Variants in SPIC observed in about 807,000 individuals in gnomAD.
The protein encoded by SPIC is Spi-C transcription factor.
In SPIC, 9 loss-of-function variants were observed where a neutral mutation model predicts 16.7. The observed-to-expected ratio is 0.54, with a 90% CI of 0.33 to 0.94. The LOEUF (loss-of-function observed/expected upper bound fraction) is 0.94. Ranked by LOEUF, SPIC falls within the 40% of genes least tolerant of loss-of-function variation. The pLI is 0.03. For synonymous variants in SPIC, 97 were observed against 102.9 expected (o/e 0.94, Z 0.35); for missense variants, 241 against 285.8 (o/e 0.84, Z 1.13).
intron 5 of SPIC, among the ~76,000 whole-genome samples, chr12:101,483,351 C>T (rs1873268275): frequency 6.6e-6 from 1 of 152,166 alleles, no homozygotes; most frequent in Admixed American, 6.5e-5. Context: ...TCTTGTCCCA[C>T]TGGAAGGTCT....
chr12:101,482,825 A>G lies in SPIC; in HGVS notation c.244A>G (p.Ile82Val). The G allele has an allele frequency of 6.2e-7, 1 of 1,614,046 alleles. No individual in the cohort carries two copies. The highest frequency in any genetic ancestry group is 1.6e-4 in the Middle Eastern group (1 of 6,062). The change falls in exon 5 of 6, where the codon ATT becomes GTT. Residue 82 changes from isoleucine to valine, a missense_variant. By Grantham distance (29) the Ile-to-Val change is conservative. Transcript: ENST00000551346. ...TGCGGACTTCTATTTTGAAGGAAAT[A>G]TTCATCAATCTCTGCAGAACATAAC... The part of the protein sequence containing the change: ...SAADFYFEGN[I>V]HQSLQNITEN...
chr12:101,484,674 TA>T lies in SPIC; in HGVS notation c.320-1661del, dbSNP rs1316251683. ...AAAATAATTATAGGCCAGGCATGGT[TA>T]AAAAAAAATTATAGGCCAGGCATGG... On this transcript the variant is annotated intron_variant, in intron 5 of 5. Transcript: ENST00000551346. Among the ~76,000 whole-genome samples, 60 of 150,276 alleles carry T rather than the reference TA, an allele frequency of 4.0e-4. 1 individual carries two copies. In the East Asian group the frequency reaches 0.011, roughly 26 times the overall value.
In SPIC at chr12:101,483,959, A is replaced by C. The variant is rs139984137; in HGVS notation, c.319+1059A>C. 3.3e-5 allele frequency among the ~76,000 whole-genome samples: 5 copies of C among 152,046 alleles called. No individual in the cohort carries two copies. In the East Asian group the frequency reaches 9.6e-4, roughly 29 times the overall value. On this transcript the variant is annotated intron_variant, in intron 5 of 5. Transcript: ENST00000551346. ...ATAGGTTCAGAGAGACTCCCTCACCAATACATTTTATTTATTTATTTTTAT... is the reference window on the plus strand; with the variant it reads ...ATAGGTTCAGAGAGACTCCCTCACCCATACATTTTATTTATTTATTTTTAT...
chr12:101,486,505 A>G lies in SPIC; in HGVS notation c.481A>G (p.Arg161Gly), dbSNP rs1254756163. Residue 161 changes from arginine to glycine, a missense_variant, in exon 6 of 6, where the codon AGG becomes GGG. Coordinates refer to ENST00000551346, the MANE Select transcript of SPIC (RefSeq NM_152323.3). Reference sequence around the variant, plus strand: ...GCTTTGGGGGAAAAGAAAAGGCAACAGGAAGACCATGACTTACCAGAAAAT... The same window carrying G: ...GCTTTGGGGGAAAAGAAAAGGCAACGGGAAGACCATGACTTACCAGAAAAT... ...AELWGKRKGN[R>G]KTMTYQKMAR... is the part of the protein sequence containing the mutation. The G allele has an allele frequency of 1.2e-6, 2 of 1,614,212 alleles. No homozygotes were observed. The highest frequency in any genetic ancestry group is 1.7e-6 in the Non-Finnish European group (2 of 1,180,010).
chr12:101,478,685 T>C (rs186232707), intron 3 of SPIC, among the ~76,000 whole-genome samples: 1 of 152,358 alleles, frequency 6.6e-6, no homozygotes, highest in Admixed American at 6.5e-5. Context: ...ATGAATCTTA[T>C]AGACCTTCCA....
chr12:101,479,741 G>T, intron 4 of SPIC, 47 bp downstream of exon 4: 1 of 1,417,202 alleles, frequency 7.1e-7, no homozygotes. Flanking sequence ...TCCTATTCTT[G>T]CCAGCCTTCC....
intron 3 of SPIC, among the ~76,000 whole-genome samples, chr12:101,477,952 T>C (rs1421664482): frequency 6.6e-6 from 1 of 152,152 alleles, no homozygotes; most frequent in Non-Finnish European, 1.5e-5. Context: ...AGGCAGAAGC[T>C]TTAGTAAGCC....
intron 5 of SPIC, 59 bp from the exon 6 acceptor site, chr12:101,486,285 T>C (rs1873362397): frequency 6.6e-7 from 1 of 1,516,766 alleles, no homozygotes; most frequent in Non-Finnish European, 8.9e-7. Flanking sequence ...AAACCCTTTC[T>C]GAGGATGTTC....
intron 1 of SPIC, among the ~76,000 whole-genome samples, chr12:101,475,912 T>C (rs1872944563): frequency 6.6e-6 from 1 of 151,180 alleles, no homozygotes; most frequent in Non-Finnish European, 1.5e-5. Flanking sequence ...GATGTAATGA[T>C]TTCAAAGAGC....
In SPIC at chr12:101,486,537, G is replaced by A; in HGVS notation, c.513G>A (p.Arg171=). ...CCATGACTTACCAGAAAATGGCCAGGGCACTCAGAAATTACGGAAGAAGTG... is the reference window on the plus strand; with the variant it reads ...CCATGACTTACCAGAAAATGGCCAGAGCACTCAGAAATTACGGAAGAAGTG... ...RKTMTYQKMA[R]ALRNYGRSGE... is the part of the protein sequence containing the mutation. Residue 171 remains arginine, a synonymous_variant, in exon 6 of 6, where the codon AGG becomes AGA. Transcript: ENST00000551346. The A allele has an allele frequency of 1.2e-6, 2 of 1,614,158 alleles. No individual in the cohort carries two copies. The highest frequency in any genetic ancestry group is 1.7e-6 in the Non-Finnish European group (2 of 1,180,032).
At chr12:101,480,276 A>C (rs1873146651) in intron 4 of SPIC, among the ~76,000 whole-genome samples, 1 of 152,204 alleles carries the variant, frequency 6.6e-6, no homozygotes. Context: ...TCAGGATGTT[A>C]ATATCAGTTG....
chr12:101,482,800 T>C lies in SPIC; in HGVS notation c.219T>C (p.Ala73=). The C allele has an allele frequency of 6.2e-7, 1 of 1,613,876 alleles. No homozygotes were observed. Among genetic ancestry groups the C allele is most frequent in the Non-Finnish European group, 8.5e-7 (1 of 1,179,880 alleles). The change falls in exon 5 of 6, where the codon GCT becomes GCC. Residue 73 remains alanine (A), a synonymous_variant. Coordinates refer to ENST00000551346, the MANE Select transcript of SPIC (RefSeq NM_152323.3). ...VYNWRTVINS[A]ADFYFEGNIH... is the part of the protein sequence containing the mutation. ...CTTCATTATTTATATAGAACAGTGC[T>C]GCGGACTTCTATTTTGAAGGAAATA... is the stretch of plus-strand genomic sequence containing the variant.
chr12:101,479,216 GAAA>G (rs1183438199), intron 3 of SPIC, among the ~76,000 whole-genome samples: 12 of 116,622 alleles, frequency 1.0e-4, no homozygotes, highest in East Asian at 2.4e-4. Context: ...AAGAAAGAAA[GAAA>G]GAAGGAAAGA....
intron 3 of SPIC, 46 bp from the exon 4 acceptor site, chr12:101,479,536 A>G: frequency 4.7e-6 from 7 of 1,482,426 alleles, no homozygotes; most frequent in Non-Finnish European, 5.6e-6. Context: ...ATATGCACAA[A>G]TACAAACTTT....
chr12:101,484,072 A>C (rs1315271340), intron 5 of SPIC, among the ~76,000 whole-genome samples: 1 of 150,896 alleles, frequency 6.6e-6, no homozygotes, highest in African/African-American at 2.4e-5. Flanking sequence ...TTATATACTC[A>C]TGGTAAAAGA....
At chr12:101,477,518 G>A (rs1300537697) in intron 2 of SPIC, 40 bp from the exon 3 acceptor site, 1 of 1,562,148 alleles carries the variant, frequency 6.4e-7, no homozygotes, top group Non-Finnish European at 8.8e-7. Flanking sequence ...AGTTTAATTG[G>A]TAATTCGAAA....
intron 3 of SPIC, among the ~76,000 whole-genome samples, chr12:101,478,422 G>T (rs1311861698): frequency 6.6e-6 from 1 of 151,948 alleles, no homozygotes; most frequent in Non-Finnish European, 1.5e-5. Flanking sequence ...GGAACTCCTG[G>T]ACTCAAAAAC....
Position 101,486,728 on chromosome 12 carries a change from A to G in SPIC, c.704A>G (p.Tyr235Cys). The G allele has an allele frequency of 6.3e-7, 1 of 1,599,032 alleles. No individual in the cohort carries two copies. The highest frequency in any genetic ancestry group is 2.2e-5 in the East Asian group (1 of 44,556). Reference protein sequence around the residue: ...SLNNWNANYNYTYANYHELNH... With the variant: ...SLNNWNANYNCTYANYHELNH... ...AATAACTGGAATGCAAATTATAATT[A>G]TACATATGCCAATTACCATGAGCTA... The change falls in exon 6 of 6, where the codon TAT becomes TGT. Residue 235 changes from tyrosine (Y) to cysteine (C), a missense_variant. By Grantham distance (194) the Tyr-to-Cys change is radical (BLOSUM62 -2). Coordinates refer to ENST00000551346, the MANE Select transcript of SPIC (RefSeq NM_152323.3).
At chr12:101,478,342 CTTTAA>C (rs1000266836) in intron 3 of SPIC, among the ~76,000 whole-genome samples, 98 of 151,984 alleles carry the variant, frequency 6.4e-4, no homozygotes, top group African/African-American at 2.3e-3. Context: ...CCTTTTTTAT[CTTTAA>C]TTTAATTTTT....
Sources: allele counts gnomAD v4.1 joint callset (sites outside exome capture counted in the v4.1 genomes callset), GRCh38; gene constraint gnomAD v4.1.1; transcripts MANE v1.5; gene names NCBI Gene and HGNC (gene_info 2026-07-23, HGNC 2026-07-21).